CAMK2D: variants seen among roughly 807,000 people sequenced by gnomAD.
The protein encoded by CAMK2D is calcium/calmodulin-dependent protein kinase type II subunit delta.
A neutral mutation model predicts 84.0 loss-of-function variants in CAMK2D; 37 were observed. The observed-to-expected ratio is 0.44, with a 90% CI of 0.34 to 0.58. The LOEUF is 0.58. Ranked by LOEUF, CAMK2D falls within the 20% of genes least tolerant of loss-of-function variation. The pLI is 0.02. For synonymous variants in CAMK2D, 202 were observed against 212.5 expected, an observed-to-expected ratio of 0.95 and a Z score of 0.43; for missense variants, 448 against 652.5, an observed-to-expected ratio of 0.69 and a Z score of 3.41.
At chr4:113,753,308 G>A (rs1217634691) in intron 2 of CAMK2D, among the ~76,000 whole-genome samples, 3 of 151,848 alleles carry the variant, frequency 2.0e-5, no homozygotes, top group African/African-American at 7.2e-5. Context: ...TATTAATGAT[G>A]AAGATGGCAT....
rs758998985 is a variant in CAMK2D, at chr4:113,455,725, C to G, written c.*29+1G>C. On this transcript the variant is annotated splice_donor_variant, in intron 20 of 20. Coordinates refer to ENST00000511664, the MANE Select transcript of CAMK2D (RefSeq NM_001321571.2). LOFTEE classifies it low-confidence loss of function (3UTR_SPLICE). ...GTATCACGGAGCAGGATGTTACTTA[C>G]AAGACCCATATGTGAATGGTTTTCA... 3.2e-6 allele frequency: 5 copies of G among 1,565,054 alleles called. No individual in the cohort carries two copies. In the African/African-American group the frequency reaches 4.1e-5, roughly 13 times the overall value.
chr4:113,503,539 T>G (rs1397288998), intron 14 of CAMK2D, among the ~76,000 whole-genome samples: 1 of 152,034 alleles, frequency 6.6e-6, no homozygotes, highest in Admixed American at 6.6e-5. Flanking sequence ...ATAAAAAAAT[T>G]TTAAGGAACA....
chr4:113,476,273 A>G (rs557989402), intron 16 of CAMK2D, among the ~76,000 whole-genome samples: 87 of 152,310 alleles, frequency 5.7e-4, no homozygotes, highest in African/African-American at 2.1e-3. Context: ...TAAATTTACA[A>G]TGGTCTGTCA....
At chr4:113,594,355 T>C (rs1309657978) in intron 4 of CAMK2D, among the ~76,000 whole-genome samples, 1 of 152,148 alleles carries the variant, frequency 6.6e-6, no homozygotes, top group South Asian at 2.1e-4. Context: ...TAGTACATCA[T>C]GCCCACCTTT....
chr4:113,695,415 G>C (rs919177105), intron 2 of CAMK2D, among the ~76,000 whole-genome samples: 1 of 151,988 alleles, frequency 6.6e-6, no homozygotes, highest in Non-Finnish European at 1.5e-5. Flanking sequence ...ATCTCCATTT[G>C]AATGTCTAAA....
chr4:113,696,512 C>A (rs56038844), intron 2 of CAMK2D, among the ~76,000 whole-genome samples: 27 of 152,204 alleles, frequency 1.8e-4, no homozygotes, highest in African/African-American at 5.8e-4. Flanking sequence ...AATCTTCAGT[C>A]ATCTCCCTGG....
chr4:113,632,210 T>C (rs988378921), intron 3 of CAMK2D, among the ~76,000 whole-genome samples: 3 of 152,060 alleles, frequency 2.0e-5, no homozygotes, highest in Admixed American at 2.0e-4. Context: ...TCATTCTATA[T>C]GTGTGTGTAT....
chr4:113,521,202 A>G (rs2098353954), intron 8 of CAMK2D, among the ~76,000 whole-genome samples: 1 of 152,176 alleles, frequency 6.6e-6, no homozygotes. Context: ...TGGCTCCCCA[A>G]CATCCCCCAA....
At chr4:113,520,969 C>T (rs1042228741) in intron 8 of CAMK2D, among the ~76,000 whole-genome samples, 1 of 145,602 alleles carries the variant, frequency 6.9e-6, no homozygotes. Flanking sequence ...TTCGAGGCCA[C>T]AGTGAACCAT....
intron 2 of CAMK2D, among the ~76,000 whole-genome samples, chr4:113,748,555 A>T (rs2099610011): frequency 1.3e-5 from 2 of 151,930 alleles, no homozygotes; most frequent in African/African-American, 4.8e-5. Flanking sequence ...AGCAAAAATT[A>T]AAAAAAATAC....
Position 113,699,654 on chromosome 4 carries a change from A to G in CAMK2D, c.161-37882T>C, listed in dbSNP as rs116594822. 7.2e-3 allele frequency among the ~76,000 whole-genome samples: 1,092 copies of G among 152,256 alleles called. 12 individuals are homozygous for G. The highest frequency in any genetic ancestry group is 0.025 in the African/African-American group (1,050 of 41,548). ...AACAGCCCCACATCAAAATAACAAAACAAAACACATTGTGGGAACTCCAAT... is the reference window on the plus strand; with the variant it reads ...AACAGCCCCACATCAAAATAACAAAGCAAAACACATTGTGGGAACTCCAAT... On this transcript the variant is annotated intron_variant, in intron 2 of 20. Transcript: ENST00000511664.
chr4:113,554,534 T>G (rs2098651153), intron 4 of CAMK2D, among the ~76,000 whole-genome samples: 1 of 152,174 alleles, frequency 6.6e-6, no homozygotes, highest in African/African-American at 2.4e-5. Flanking sequence ...TCTCTCCTAG[T>G]ATTCATTCGT....
At chr4:113,708,595 T>A (rs958833079) in intron 2 of CAMK2D, among the ~76,000 whole-genome samples, 18 of 152,196 alleles carry the variant, frequency 1.2e-4, no homozygotes, top group Non-Finnish European at 2.6e-4. Context: ...AGAAAGTTTT[T>A]TTTTCCTCAG....
At position 113,516,664 on chromosome 4, in the gene CAMK2D, G is replaced by A. The variant is rs114979806; in HGVS notation, c.696+899C>T. On this transcript the variant is annotated intron_variant, in intron 9 of 20. Coordinates refer to ENST00000511664, the MANE Select transcript of CAMK2D (RefSeq NM_001321571.2). ...ATCAGAAATGCATTGAAGAGTTCAC[G>A]AGACATTATAGAATATAATAAAGAC... Among the ~76,000 whole-genome samples, 179 of 152,208 alleles carry A rather than the reference G, an allele frequency of 1.2e-3. 1 individual carries two copies. The highest frequency in any genetic ancestry group is 3.9e-3 in the African/African-American group (163 of 41,526).
At chr4:113,578,629 TAAACCAG>T (rs1427656725) in intron 4 of CAMK2D, among the ~76,000 whole-genome samples, 1 of 152,208 alleles carries the variant, frequency 6.6e-6, no homozygotes, top group Admixed American at 6.6e-5. Context: ...TATGATATCT[TAAACCAG>T]AAATTTTACT....
chr4:113,674,358 G>A (rs1296035897), intron 2 of CAMK2D, among the ~76,000 whole-genome samples: 1 of 152,082 alleles, frequency 6.6e-6, no homozygotes, highest in Non-Finnish European at 1.5e-5. Flanking sequence ...CATTGAGAAG[G>A]AACATTTACC....
chr4:113,542,669 C>T (rs1055877279), intron 6 of CAMK2D, among the ~76,000 whole-genome samples: 3 of 151,272 alleles, frequency 2.0e-5, no homozygotes, highest in Non-Finnish European at 4.4e-5. Context: ...GAGCTGAGAT[C>T]GCGCCACTGC....
intron 3 of CAMK2D, among the ~76,000 whole-genome samples, chr4:113,624,947 A>G (rs1182759232): frequency 6.6e-6 from 1 of 152,204 alleles, no homozygotes; most frequent in African/African-American, 2.4e-5. Flanking sequence ...TAGTTATCCA[A>G]CCTTGCATTG....
chr4:113,504,003 T>C (rs1224727024), intron 14 of CAMK2D, among the ~76,000 whole-genome samples: 1 of 152,194 alleles, frequency 6.6e-6, no homozygotes, highest in Non-Finnish European at 1.5e-5. Context: ...TTCCCTTGGC[T>C]ACAGCTGTGA....
Sources: gnomAD v4.1 joint callset for allele counts (sites outside exome capture counted in the v4.1 genomes callset) on GRCh38, gnomAD v4.1.1 for gene constraint, MANE v1.5 for transcripts, NCBI Gene and HGNC (gene_info 2026-07-23, HGNC 2026-07-21) for gene names.